Variants in SEC31B observed in about 807,000 individuals in gnomAD.
SEC31B encodes the protein protein transport protein Sec31B.
Under a neutral mutation model 135.0 loss-of-function variants are expected in SEC31B, and 113 were observed. That is an observed-to-expected ratio of 0.84 (90% CI 0.72 to 0.98). The LOEUF is 0.98. Ranked by LOEUF, SEC31B falls within the 50% of genes least tolerant of loss-of-function variation. The pLI is 0.00. For missense variants in SEC31B, 1,296 were observed against 1,421.1 expected (o/e 0.91, Z 1.42); for synonymous variants, 508 against 549.4 (o/e 0.92, Z 1.05).
intron 13 of SEC31B, 39 bp downstream of exon 13, chr10:100,499,121 G>A: frequency 6.5e-7 from 1 of 1,549,400 alleles, no homozygotes; most frequent in Non-Finnish European, 8.9e-7. Flanking sequence ...CAGGTTTCCT[G>A]TGTTACCATA....
At chr10:100,509,564 C>G in intron 3 of SEC31B, 53 bp from the exon 4 acceptor site, 2 of 1,426,214 alleles carry the variant, frequency 1.4e-6, no homozygotes. Flanking sequence ...TGTCAGTAAG[C>G]ACAGGATGGG....
chr10:100,490,165 C>T lies in SEC31B; in HGVS notation c.2808G>A (p.Leu936=), dbSNP rs756079257. 1.2e-6 allele frequency: 2 copies of T among 1,601,596 alleles called. No individual in the cohort carries two copies. Among genetic ancestry groups the T allele is most frequent in the South Asian group, 1.1e-5 (1 of 88,906 alleles). The change falls in exon 21 of 26, where the codon CTG becomes CTA. Residue 936 remains leucine, a synonymous_variant. Coordinates refer to ENST00000370345, the MANE Select transcript of SEC31B (RefSeq NM_015490.4). ...GSTSLPETPR[L]FPLLPLRPLG... ...GTGGTCTCAGAGGAAGCAGAGGGAA[C>T]AGTCTAGGAGTCTCAGGCAGGGAGG...
chr10:100,499,985 T>G, intron 11 of SEC31B: 1 of 435,062 alleles, frequency 2.3e-6, no homozygotes, highest in South Asian at 1.6e-5. Context: ...ATTTCCCTGT[T>G]TGCAGTGGCT....
At chr10:100,495,238 A>C (rs1341662183) in intron 19 of SEC31B, 147 bp downstream of exon 19, 1 of 795,728 alleles carries the variant, frequency 1.3e-6, no homozygotes, top group South Asian at 1.5e-5. Flanking sequence ...TTCAATAAAC[A>C]GTTATTTATT....
intron 3 of SEC31B, among the ~76,000 whole-genome samples, chr10:100,515,386 T>G (rs1038739116): frequency 2.6e-5 from 4 of 152,198 alleles, no homozygotes; most frequent in African/African-American, 9.6e-5. Context: ...TCTGATGATA[T>G]AAACATTTGG....
intron 3 of SEC31B, 149 bp from the exon 4 acceptor site, chr10:100,509,660 A>G: frequency 1.6e-6 from 1 of 621,692 alleles, no homozygotes; most frequent in African/African-American, 1.8e-5. Flanking sequence ...GACAGAAGGG[A>G]TGTATCCTCC....
intron 19 of SEC31B, among the ~76,000 whole-genome samples, chr10:100,491,226 C>T (rs555815855): frequency 6.6e-6 from 1 of 152,272 alleles, no homozygotes; most frequent in Admixed American, 6.5e-5. Context: ...GAAAGAAGAT[C>T]TGGATAGTCC....
intron 2 of SEC31B, 59 bp downstream of exon 2, chr10:100,516,815 C>T: frequency 8.1e-7 from 1 of 1,239,786 alleles, no homozygotes; most frequent in Non-Finnish European, 1.2e-6. Flanking sequence ...ATTCTAGATA[C>T]TAAGTTTCCC....
intron 3 of SEC31B, among the ~76,000 whole-genome samples, chr10:100,514,117 G>A (rs935235154): frequency 1.3e-5 from 2 of 152,008 alleles, no homozygotes; most frequent in Non-Finnish European, 2.9e-5. Context: ...TGCAGGAGGT[G>A]GAGGTTGCAG....
intron 17 of SEC31B, among the ~76,000 whole-genome samples, chr10:100,496,862 G>T (rs1437153650): frequency 6.6e-6 from 1 of 152,130 alleles, no homozygotes; most frequent in East Asian, 1.9e-4. Flanking sequence ...TAATAGAAGG[G>T]CCAAGCCACA....
rs1175438478 is a variant in SEC31B at position 100,516,080 on chromosome 10, A to G, written c.203+16T>C. 7.4e-6 allele frequency: 12 copies of G among 1,614,036 alleles called. No homozygotes were observed. The highest frequency in any genetic ancestry group is 2.7e-5 in the African/African-American group (2 of 75,040). On this transcript the variant is annotated intron_variant, in intron 3 of 25. Transcript: ENST00000370345. Reference sequence around the variant, plus strand: ...CAGTATCTACCCTGTATACCCATCAATAGATCAGACAATACCTGCTCAAGG... The same window carrying G: ...CAGTATCTACCCTGTATACCCATCAGTAGATCAGACAATACCTGCTCAAGG...
At chr10:100,509,131 T>C (rs1415026585) in intron 4 of SEC31B, 29 bp from the exon 5 acceptor site, 2 of 1,599,448 alleles carry the variant, frequency 1.3e-6, no homozygotes, top group East Asian at 4.5e-5. Context: ...TTTGGAGACA[T>C]ACCACCCTAG....
chr10:100,510,019 CAAAGAAGTT>C (rs1851710451), intron 3 of SEC31B, among the ~76,000 whole-genome samples: 1 of 152,164 alleles, frequency 6.6e-6, no homozygotes, highest in African/African-American at 2.4e-5. Context: ...AACTGAGGCA[CAAAGAAGTT>C]ATAAAATTTC....
At chr10:100,512,173 A>G (rs1322473341) in intron 3 of SEC31B, among the ~76,000 whole-genome samples, 1 of 152,170 alleles carries the variant, frequency 6.6e-6, no homozygotes, top group Non-Finnish European at 1.5e-5. Context: ...ATTGAGATAA[A>G]GGTAGAATGA....
intron 9 of SEC31B, 181 bp downstream of exon 9, chr10:100,505,859 C>T (rs1453659445): frequency 4.7e-6 from 7 of 1,496,376 alleles, no homozygotes; most frequent in South Asian, 1.4e-5. Context: ...GCCTTCTTCA[C>T]ATTGTGGCAG....
chr10:100,487,760 A>AACCTCATGG lies in SEC31B; in HGVS notation c.3387_3395dup (p.His1130_Val1132dup). On this transcript the variant is annotated inframe_insertion, in exon 26 of 26. Coordinates refer to ENST00000370345, the MANE Select transcript of SEC31B (RefSeq NM_015490.4). ...AGCTTCCTGCATCCACACATCGGGC[A>AACCTCATGG]ACCTCATGGAGCCCAGCCACGACAT... is the stretch of plus-strand genomic sequence containing the variant. The AACCTCATGG allele has an allele frequency of 4.3e-6, 7 of 1,614,106 alleles. No individual in the cohort carries two copies. The South Asian group carries it at 5.5e-5, about 13-fold the overall frequency.
intron 7 of SEC31B, 56 bp from the exon 8 acceptor site, chr10:100,506,476 G>A: frequency 6.8e-7 from 1 of 1,474,480 alleles, no homozygotes; most frequent in Non-Finnish European, 9.5e-7. Flanking sequence ...TATGAGTAGG[G>A]TGCCTTATAT....
At position 100,490,277 on chromosome 10, in the gene SEC31B, G is replaced by A. The variant is rs1307975382; in HGVS notation, c.2696C>T (p.Pro899Leu). ...TGTCCCAGGGAATCCCACCGGGTTA[G>A]GAACTTGCACCCTTTGCCCTCCTAA... ...QLLGGQRVQV[P>L]NPVGFPGTWP... Residue 899 changes from proline (P) to leucine (L), a missense_variant, in exon 21 of 26, where the codon CCT becomes CTT. Transcript: ENST00000370345. The A allele has an allele frequency of 3.1e-6, 5 of 1,613,884 alleles. No individual in the cohort carries two copies. Among genetic ancestry groups the A allele is most frequent in the Non-Finnish European group, 3.4e-6 (4 of 1,179,956 alleles).
chr10:100,497,560 C>T (rs1219842952), intron 16 of SEC31B, 107 bp downstream of exon 16: 3 of 1,579,190 alleles, frequency 1.9e-6, no homozygotes, highest in African/African-American at 2.7e-5. Flanking sequence ...ACAACATTGC[C>T]TCGCCTCCCA....
Sources: allele counts gnomAD v4.1 joint callset (sites outside exome capture counted in the v4.1 genomes callset), GRCh38; gene constraint gnomAD v4.1.1; transcripts MANE v1.5; gene names NCBI Gene and HGNC (gene_info 2026-07-23, HGNC 2026-07-21).